Variants in CFAP52 observed in about 807,000 individuals in gnomAD.
The protein encoded by CFAP52 is cilia- and flagella-associated protein 52.
In CFAP52, 57 loss-of-function variants were observed where a neutral mutation model predicts 70.5. That is an observed-to-expected ratio of 0.81 (90% CI 0.65 to 1.01). The LOEUF (loss-of-function observed/expected upper bound fraction) is 1.01, where lower values mean the gene tolerates loss of function less well. CFAP52 is among the 50% of genes least tolerant of loss of function. CFAP52 has a pLI of 0.00. For synonymous variants in CFAP52, 267 were observed against 292.5 expected, an observed-to-expected ratio of 0.91 and a Z score of 0.89; for missense variants, 785 against 788.5, an observed-to-expected ratio of 1.00 and a Z score of 0.05.
intron 11 of CFAP52, among the ~76,000 whole-genome samples, chr17:9,637,796 A>G (rs928098839): frequency 3.9e-5 from 6 of 152,202 alleles, no homozygotes; most frequent in African/African-American, 1.4e-4. Context: ...GCTGGTCTCA[A>G]TCTCCTGACC....
intron 1 of CFAP52, among the ~76,000 whole-genome samples, chr17:9,581,925 C>T (rs1908246395): frequency 6.6e-6 from 1 of 152,102 alleles, no homozygotes; most frequent in South Asian, 2.1e-4. Context: ...GTCTTTAGTT[C>T]GTGTCACTTG....
chr17:9,580,982 A>T (rs957423534), intron 1 of CFAP52, among the ~76,000 whole-genome samples: 2 of 152,208 alleles, frequency 1.3e-5, no homozygotes, highest in African/African-American at 4.8e-5. Context: ...TAGCTGAAAC[A>T]TTGGAAGAAA....
chr17:9,630,880 G>A (rs1910449147), intron 9 of CFAP52, among the ~76,000 whole-genome samples: 1 of 150,040 alleles, frequency 6.7e-6, no homozygotes, highest in South Asian at 2.1e-4. Context: ...CAGCTACCCG[G>A]GAGGCTGAGA....
intron 1 of CFAP52, among the ~76,000 whole-genome samples, chr17:9,583,000 C>G (rs895769908): frequency 6.6e-6 from 1 of 152,144 alleles, no homozygotes; most frequent in African/African-American, 2.4e-5. Flanking sequence ...ATGATTTGCT[C>G]TTTTTGTGTC....
At chr17:9,591,353 A>C (rs963394311) in intron 3 of CFAP52, among the ~76,000 whole-genome samples, 8 of 151,998 alleles carry the variant, frequency 5.3e-5, no homozygotes, top group African/African-American at 1.9e-4. Context: ...GTATCTTTTA[A>C]ATTTTGTAAC....
At chr17:9,590,419 C>A (rs1231051187) in intron 3 of CFAP52, 5 of 204,936 alleles carry the variant, frequency 2.4e-5, no homozygotes, top group African/African-American at 1.2e-4. Context: ...TCCAACCAGA[C>A]CTTCTTTTTG....
chr17:9,594,096 G>A, intron 3 of CFAP52, 97 bp from the exon 4 acceptor site: 1 of 1,454,760 alleles, frequency 6.9e-7, no homozygotes. Flanking sequence ...AACCTGTTGT[G>A]TTTTTTTCTT....
chr17:9,597,803 AAGAG>A (rs10548437), intron 4 of CFAP52, among the ~76,000 whole-genome samples: 2,060 of 139,028 alleles, frequency 0.015, 39 homozygotes, highest in African/African-American at 0.045. Context: ...CTCTGTCAGA[AAGAG>A]AGAGAGAGAG....
intron 9 of CFAP52, among the ~76,000 whole-genome samples, chr17:9,630,426 A>AT (rs560084144): frequency 0.18 from 23,329 of 127,806 alleles, 2,179 homozygotes; most frequent in East Asian, 0.38. Flanking sequence ...AATTTTTGTA[A>AT]TTTTTTTTTT....
intron 1 of CFAP52, chr17:9,584,040 T>G (rs1908337317): frequency 4.1e-6 from 1 of 244,540 alleles, no homozygotes; most frequent in South Asian, 9.2e-5. Flanking sequence ...AAAGCATTTT[T>G]GTGAAACATG....
chr17:9,597,194 C>T (rs1909054711), intron 4 of CFAP52, among the ~76,000 whole-genome samples: 1 of 152,168 alleles, frequency 6.6e-6, no homozygotes, highest in Non-Finnish European at 1.5e-5. Flanking sequence ...TTTCACTTAA[C>T]ATAATGTCCA....
chr17:9,641,649 C>A, intron 12 of CFAP52, 75 bp from the exon 13 acceptor site: 2 of 1,053,874 alleles, frequency 1.9e-6, no homozygotes, highest in South Asian at 1.4e-5. Flanking sequence ...TAAAGTAGAG[C>A]CATCTTTTGT....
Position 9,585,992 on chromosome 17 carries a change from C to T in CFAP52, c.270+20C>T, listed in dbSNP as rs1448445664. Reference sequence around the variant, plus strand: ...TTCAAGGTGAATACAGTGAAAACGACTCATTGTCAATTTATCTAGAGGTGC... The same window carrying T: ...TTCAAGGTGAATACAGTGAAAACGATTCATTGTCAATTTATCTAGAGGTGC... On this transcript the variant is annotated intron_variant, in intron 2 of 13. Coordinates refer to ENST00000352665, the MANE Select transcript of CFAP52 (RefSeq NM_145054.5). The T allele has an allele frequency of 6.2e-7, 1 of 1,612,074 alleles. No individual in the cohort carries two copies. The highest frequency in any genetic ancestry group is 8.5e-7 in the Non-Finnish European group (1 of 1,178,726).
At chr17:9,596,334 C>T (rs1232058326) in intron 4 of CFAP52, among the ~76,000 whole-genome samples, 7 of 151,904 alleles carry the variant, frequency 4.6e-5, no homozygotes, top group Non-Finnish European at 8.8e-5. Flanking sequence ...CTCCTGAGCT[C>T]AGGCAATCCA....
intron 1 of CFAP52, among the ~76,000 whole-genome samples, chr17:9,585,442 A>G (rs1968765): frequency 0.96 from 146,763 of 152,196 alleles, 70,812 homozygotes; most frequent in East Asian, 1. Context: ...GCTAAGGTGG[A>G]CGGATCACGA....
At chr17:9,587,605 A>G (rs920247750) in intron 3 of CFAP52, among the ~76,000 whole-genome samples, 2 of 152,052 alleles carry the variant, frequency 1.3e-5, no homozygotes, top group Non-Finnish European at 2.9e-5. Flanking sequence ...TTTACTTTGC[A>G]TTTCTCTAAT....
chr17:9,596,097 A>ATG (rs1909006353), intron 4 of CFAP52, among the ~76,000 whole-genome samples: 4 of 139,034 alleles, frequency 2.9e-5, no homozygotes, highest in Non-Finnish European at 6.2e-5. Flanking sequence ...ATATATATAT[A>ATG]TATATGTACA....
chr17:9,593,694 G>T (rs1908866012), intron 3 of CFAP52, among the ~76,000 whole-genome samples: 1 of 152,136 alleles, frequency 6.6e-6, no homozygotes, highest in South Asian at 2.1e-4. Flanking sequence ...GACCTCAGGT[G>T]ATCCACCCGC....
At chr17:9,606,509 A>G (rs1450010347) in intron 6 of CFAP52, among the ~76,000 whole-genome samples, 1 of 152,224 alleles carries the variant, frequency 6.6e-6, no homozygotes, top group South Asian at 2.1e-4. Context: ...ATAAACGCCT[A>G]ATGAGATAGG....
Sources: allele counts gnomAD v4.1 joint callset (sites outside exome capture counted in the v4.1 genomes callset), GRCh38; gene constraint gnomAD v4.1.1; transcripts MANE v1.5; gene names NCBI Gene and HGNC (gene_info 2026-07-23, HGNC 2026-07-21).